The following UCK2 variants were observed in gnomAD, a reference collection of about 807,000 sequenced individuals.
UCK2 encodes the protein uridine-cytidine kinase 2.
In UCK2, 6 loss-of-function variants were observed where a neutral mutation model predicts 30.8. The observed-to-expected ratio is 0.19, with a 90% CI of 0.11 to 0.38. The LOEUF (loss-of-function observed/expected upper bound fraction) is 0.38. UCK2 is among the 10% of genes least tolerant of loss of function. UCK2 has a pLI of 1.00. For synonymous variants in UCK2, 125 were observed against 133.6 expected, an observed-to-expected ratio of 0.94 and a Z score of 0.45; for missense variants, 210 against 339.8, an observed-to-expected ratio of 0.62 and a Z score of 3.00.
At chr1:165,837,580 C>A (rs377396855) in intron 1 of UCK2, among the ~76,000 whole-genome samples, 2 of 152,252 alleles carry the variant, frequency 1.3e-5, no homozygotes, top group African/African-American at 4.8e-5. Flanking sequence ...GTTGCCAAAG[C>A]ATCCTAAACA....
At chr1:165,858,026 G>A (rs1388657522) in intron 1 of UCK2, among the ~76,000 whole-genome samples, 1 of 152,180 alleles carries the variant, frequency 6.6e-6, no homozygotes, top group East Asian at 1.9e-4. Flanking sequence ...GAGGGAGTAA[G>A]CATGGTATTA....
intron 5 of UCK2, among the ~76,000 whole-genome samples, chr1:165,903,734 G>T (rs1647561891): frequency 6.6e-6 from 1 of 152,192 alleles, no homozygotes; most frequent in Admixed American, 6.5e-5. Flanking sequence ...GCCCTGCTTT[G>T]AGCTTGTCTT....
In UCK2 at chr1:165,910,625, A is replaced by C. The variant is rs1170893783; in HGVS notation, c.*2802A>C. The C allele has an allele frequency of 6.6e-6, 1 of 152,336 alleles. No homozygotes were observed. Among genetic ancestry groups the C allele is most frequent in the Non-Finnish European group, 1.5e-5 (1 of 68,170 alleles). 9.4% of individuals were successfully genotyped at this position (152,336 alleles called of 1,614,324 possible). On this transcript the variant is annotated 3_prime_UTR_variant, in exon 7 of 7. Coordinates refer to ENST00000367879, the MANE Select transcript of UCK2 (RefSeq NM_012474.5). ...GGCAGCCTGGGACCACTATGAGCAG[A>C]GAGATGGGAGTCTGTGTAAGAAGGA...
At chr1:165,902,591 G>GTTTTTTTTTTTTT (rs1557850463) in intron 4 of UCK2, 1 of 38,896 alleles carries the variant, frequency 2.6e-5, no homozygotes, top group Non-Finnish European at 7.0e-5. Context: ...TTCACTGAGT[G>GTTTTTTTTTTTTT]ATTTTTTTTT....
At chr1:165,841,304 C>T (rs907292620) in intron 1 of UCK2, among the ~76,000 whole-genome samples, 7 of 151,920 alleles carry the variant, frequency 4.6e-5, no homozygotes, top group Admixed American at 4.6e-4. Flanking sequence ...GTGCCTAAGC[C>T]TCCCGAGTAG....
rs1419898462 is a variant in UCK2, at chr1:165,908,626, G to GCTGC, written c.*806_*809dup. ...TTCTCTGTCTCTCCAAGAAGCCAGAGCTGCCTCTTTCCTTCCCTGGAAGAG... is the reference window on the plus strand; with the variant it reads ...TTCTCTGTCTCTCCAAGAAGCCAGAGCTGCCTGCCTCTTTCCTTCCCTGGAAGAG... On this transcript the variant is annotated 3_prime_UTR_variant, in exon 7 of 7. Coordinates refer to ENST00000367879, the MANE Select transcript of UCK2 (RefSeq NM_012474.5). The GCTGC allele has an allele frequency of 1.3e-5, 2 of 152,048 alleles. No homozygotes were observed. Among genetic ancestry groups the GCTGC allele is most frequent in the Non-Finnish European group, 2.9e-5 (2 of 68,030 alleles). 9.4% of individuals were successfully genotyped at this position (152,048 alleles called of 1,614,324 possible). A position where few individuals can be genotyped will look rare whatever the true frequency, so the allele number is the denominator to read the frequency against.
intron 1 of UCK2, among the ~76,000 whole-genome samples, chr1:165,873,404 C>T (rs1019675548): frequency 7.2e-5 from 11 of 152,166 alleles, no homozygotes; most frequent in Non-Finnish European, 1.2e-4. Flanking sequence ...AAAATGGTAG[C>T]TACATTTATT....
At chr1:165,896,005 C>T (rs1467156536) in intron 3 of UCK2, 185 bp from the exon 4 acceptor site, 4 of 723,334 alleles carry the variant, frequency 5.5e-6, no homozygotes, top group South Asian at 5.5e-5. Flanking sequence ...CCGTGATCAC[C>T]CTTGGCTCTT....
At chr1:165,868,504 C>T (rs1198197229) in intron 1 of UCK2, among the ~76,000 whole-genome samples, 1 of 152,228 alleles carries the variant, frequency 6.6e-6, no homozygotes, top group Non-Finnish European at 1.5e-5. Context: ...TTCTGGATAA[C>T]TTGCTACAGC....
At chr1:165,836,351 T>G (rs1654191320) in intron 1 of UCK2, among the ~76,000 whole-genome samples, 1 of 152,244 alleles carries the variant, frequency 6.6e-6, no homozygotes, top group Admixed American at 6.5e-5. Flanking sequence ...GGATAATTAC[T>G]ATTTAATACT....
chr1:165,873,222 C>T lies in UCK2; in HGVS notation c.100-16982C>T, dbSNP rs75075797. On this transcript the variant is annotated intron_variant, in intron 1 of 6. Coordinates refer to ENST00000367879, the MANE Select transcript of UCK2 (RefSeq NM_012474.5). The stretch of plus-strand genomic sequence containing the variant: ...TATAGAATTCTGAGATAGAGAATAG[C>T]GAGATACAATAAAATGTAGTTATCT... Among the ~76,000 whole-genome samples the T allele has an allele frequency of 1.2e-3, 181 of 152,160 alleles. 3 individuals carry two copies. In the East Asian group the frequency reaches 0.033, roughly 27 times the overall value.
chr1:165,856,396 G>A (rs1654746339), intron 1 of UCK2, among the ~76,000 whole-genome samples: 1 of 149,266 alleles, frequency 6.7e-6, no homozygotes, highest in South Asian at 2.1e-4. Context: ...GGTATTTTGG[G>A]TATTAGGTGA....
At chr1:165,889,714 A>G (rs1373474515) in intron 1 of UCK2, among the ~76,000 whole-genome samples, 3 of 144,950 alleles carry the variant, frequency 2.1e-5, no homozygotes, top group African/African-American at 7.7e-5. Context: ...TTTTAATTTA[A>G]CTTTTAAGTT....
At chr1:165,875,879 C>T (rs1655320636) in intron 1 of UCK2, among the ~76,000 whole-genome samples, 1 of 152,080 alleles carries the variant, frequency 6.6e-6, no homozygotes. Flanking sequence ...TTTTTGGAAA[C>T]GTTCCTTCCT....
intron 1 of UCK2, among the ~76,000 whole-genome samples, chr1:165,876,249 A>G (rs906846331): frequency 6.6e-6 from 1 of 152,216 alleles, no homozygotes; most frequent in Non-Finnish European, 1.5e-5. Flanking sequence ...TCTGCAGCCT[A>G]GTAATTGCTA....
At position 165,896,337 on chromosome 1, in the gene UCK2, G is replaced by A. The variant is rs755947860; in HGVS notation, c.499+5G>A. 5 of 1,613,838 alleles carry A rather than the reference G, an allele frequency of 3.1e-6. No homozygotes were observed. The highest frequency in any genetic ancestry group is 1.1e-5 in the South Asian group (1 of 91,068). ...ACACCCGGCTCTCACGCAGAGGTGC[G>A]TTCTAAAAGCCTCAGGTGGCCCTGT... On this transcript the variant is annotated splice_donor_5th_base_variant and intron_variant, in intron 4 of 6. Transcript: ENST00000367879.
chr1:165,859,542 C>T (rs534339077), intron 1 of UCK2, among the ~76,000 whole-genome samples: 6 of 152,236 alleles, frequency 3.9e-5, no homozygotes, highest in East Asian at 3.9e-4. Context: ...TCAGTGGGGC[C>T]GGGAGCTGTG....
Position 165,909,639 on chromosome 1 carries a change from C to T in UCK2, c.*1816C>T, listed in dbSNP as rs542866459. On this transcript the variant is annotated 3_prime_UTR_variant, in exon 7 of 7. Coordinates refer to ENST00000367879, the MANE Select transcript of UCK2 (RefSeq NM_012474.5). ...GAAGGGAGCTCCCAGTCACAGCAGC[C>T]GCCTACTTGGAGCAAGGGAAGGCTC... 3.3e-5 allele frequency: 5 copies of T among 152,402 alleles called. No homozygotes were observed. Among genetic ancestry groups the T allele is most frequent in the East Asian group, 3.9e-4 (2 of 5,180 alleles). The allele number at this position is 152,402 out of a possible 1,614,324, so 9.4% of individuals were successfully genotyped here.
At chr1:165,892,222 A>G (rs1655789692) in intron 3 of UCK2, 1 of 149,524 alleles carries the variant, frequency 6.7e-6, no homozygotes, top group African/African-American at 2.5e-5. Flanking sequence ...TACCATCCTC[A>G]CGCCTCCCGT....
Sources: allele counts gnomAD v4.1 joint callset (sites outside exome capture counted in the v4.1 genomes callset), GRCh38; gene constraint gnomAD v4.1.1; transcripts MANE v1.5; gene names NCBI Gene and HGNC (gene_info 2026-07-23, HGNC 2026-07-21).